FCRL3: variants seen among roughly 807,000 people sequenced by gnomAD.
The protein encoded by FCRL3 is Fc receptor like 3.
Under a neutral mutation model 75.0 loss-of-function variants are expected in FCRL3, and 89 were observed. The observed-to-expected ratio is 1.19, with a 90% CI of 1.00 to 1.42. The LOEUF (loss-of-function observed/expected upper bound fraction) is 1.42. FCRL3 is among the 40% of genes most tolerant of loss of function. FCRL3 has a pLI of 0.00. For synonymous variants in FCRL3, 376 were observed against 348.5 expected (o/e 1.08, Z -0.88); for missense variants, 946 against 880.0 (o/e 1.07, Z -0.95).
Position 157,676,712 on chromosome 1 carries a change from C to T in FCRL3, c.*1998G>A. On this transcript the variant is annotated 3_prime_UTR_variant, in exon 15 of 15. Coordinates refer to ENST00000368184, the MANE Select transcript of FCRL3 (RefSeq NM_052939.4). ...CTCACATACTCTGATTTGCACAGGG[C>T]TAAGTGTTACAAAGACATGGAAAAT... The T allele has an allele frequency of 7.1e-6, 11 of 1,550,310 alleles. No homozygotes were observed. Among genetic ancestry groups the T allele is most frequent in the Non-Finnish European group, 9.6e-6 (11 of 1,146,804 alleles).
At chr1:157,690,999 C>CTATG (rs57070872) in intron 8 of FCRL3, among the ~76,000 whole-genome samples, 36,442 of 148,814 alleles carry the variant, frequency 0.24, 4,497 homozygotes, top group African/African-American at 0.29. Flanking sequence ...TGACATCTGT[C>CTATG]TATGTATGTA....
chr1:157,683,542 C>G (rs955437418), intron 10 of FCRL3, among the ~76,000 whole-genome samples: 1 of 152,136 alleles, frequency 6.6e-6, no homozygotes, highest in African/African-American at 2.4e-5. Flanking sequence ...GGGTCAGGTG[C>G]TCCCCTCAAA....
intron 8 of FCRL3, among the ~76,000 whole-genome samples, chr1:157,693,258 G>A (rs1015572204): frequency 9.0e-6 from 1 of 111,012 alleles, no homozygotes; most frequent in African/African-American, 3.5e-5. Flanking sequence ...CAGGGCAACA[G>A]AGTAAGACTC....
At position 157,678,673 on chromosome 1, in the gene FCRL3, T is replaced by G; in HGVS notation, c.*37A>C. On this transcript the variant is annotated 3_prime_UTR_variant, in exon 15 of 15. Transcript: ENST00000368184. Reference sequence around the variant, plus strand: ...TTGGAGAGAACAGAAAAAAAAATGGTGCAGGCTGTTTCCTGTGGGCCACTC... The same window carrying G: ...TTGGAGAGAACAGAAAAAAAAATGGGGCAGGCTGTTTCCTGTGGGCCACTC... 13 of 1,605,474 alleles carry G rather than the reference T, an allele frequency of 8.1e-6. No individual in the cohort carries two copies. In the South Asian group the frequency reaches 8.9e-5, roughly 11 times the overall value.
rs117665161 is a variant in FCRL3, at chr1:157,696,962, T to C, written c.844+178A>G. The C allele has an allele frequency of 8.0e-4, 378 of 473,206 alleles. 4 individuals are homozygous for C. The East Asian group carries it at 0.012, about 15-fold the overall frequency. 29.3% of individuals were successfully genotyped at this position (473,206 alleles called of 1,614,324 possible). A position where few individuals can be genotyped will look rare whatever the true frequency, so the allele number is the denominator to read the frequency against. ...TGATCAATAATTACTATTACCTGACTCAAGTGGAAGAAAATGTTCTAGGGC... is the reference window on the plus strand; with the variant it reads ...TGATCAATAATTACTATTACCTGACCCAAGTGGAAGAAAATGTTCTAGGGC... On this transcript the variant is annotated intron_variant, in intron 6 of 14. Transcript: ENST00000368184.
intron 10 of FCRL3, among the ~76,000 whole-genome samples, chr1:157,685,552 T>C (rs1352475868): frequency 1.3e-5 from 2 of 152,080 alleles, no homozygotes; most frequent in Non-Finnish European, 2.9e-5. Context: ...AAAGAAACTC[T>C]GGACTTTGTC....
chr1:157,697,016 G>C, intron 6 of FCRL3, 124 bp downstream of exon 6: 2 of 982,414 alleles, frequency 2.0e-6, no homozygotes, highest in South Asian at 4.4e-5. Context: ...CTTAAAGAGA[G>C]AAGATTACCA....
At position 157,676,693 on chromosome 1, in the gene FCRL3, T is replaced by C. The variant is rs1222102155; in HGVS notation, c.*2017A>G. 3.9e-6 allele frequency: 6 copies of C among 1,549,020 alleles called. No individual in the cohort carries two copies. In the East Asian group the frequency reaches 9.8e-5, roughly 25 times the overall value. On this transcript the variant is annotated 3_prime_UTR_variant, in exon 15 of 15. Transcript: ENST00000368184. ...GGACTCACCCCTTCTTCCACTCACA[T>C]ACTCTGATTTGCACAGGGCTAAGTG...
intron 10 of FCRL3, among the ~76,000 whole-genome samples, chr1:157,686,976 G>A (rs1179813349): frequency 6.6e-6 from 1 of 152,074 alleles, no homozygotes; most frequent in Non-Finnish European, 1.5e-5. Context: ...CACGGCAAAA[G>A]AAATTATCAA....
In FCRL3 at chr1:157,678,480, G is replaced by A; in HGVS notation, c.*230C>T. ...TGAGGGCCCTCCTGCCTTGCCACGT[G>A]TCTCCACTGTGAAAATAACACAGTG... On this transcript the variant is annotated 3_prime_UTR_variant, in exon 15 of 15. Coordinates refer to ENST00000368184, the MANE Select transcript of FCRL3 (RefSeq NM_052939.4). 7.2e-7 allele frequency: 1 copy of A among 1,385,222 alleles called. No individual in the cohort carries two copies. The highest frequency in any genetic ancestry group is 1.5e-5 in the African/African-American group (1 of 68,846). 85.8% of individuals were successfully genotyped at this position (1,385,222 alleles called of 1,614,324 possible).
intron 8 of FCRL3, among the ~76,000 whole-genome samples, chr1:157,694,594 C>T (rs1315393369): frequency 6.6e-6 from 1 of 152,106 alleles, no homozygotes; most frequent in Non-Finnish European, 1.5e-5. Context: ...ATGCTGAGCC[C>T]TTTGGGATAA....
rs11810363 is a variant in FCRL3, at chr1:157,692,972, C to T, written c.1411+2357G>A. ...ATGGCAACCAAAGTTTAAACATGTTCGATAGAAATTCAACATGCAGTGGCT... is the reference window on the plus strand; with the variant it reads ...ATGGCAACCAAAGTTTAAACATGTTTGATAGAAATTCAACATGCAGTGGCT... On this transcript the variant is annotated intron_variant, in intron 8 of 14. Coordinates refer to ENST00000368184, the MANE Select transcript of FCRL3 (RefSeq NM_052939.4). 9.6e-3 allele frequency among the ~76,000 whole-genome samples: 1,466 copies of T among 152,100 alleles called. 21 individuals are homozygous for T. Among genetic ancestry groups the T allele is most frequent in the African/African-American group, 0.033 (1,365 of 41,490 alleles).
chr1:157,689,905 T>C lies in FCRL3; in HGVS notation c.1703A>G (p.Asn568Ser). The C allele has an allele frequency of 1.2e-6, 2 of 1,614,126 alleles. No individual in the cohort carries two copies. Among genetic ancestry groups the C allele is most frequent in the South Asian group, 2.2e-5 (2 of 91,072 alleles). ...VTLNVTGTSR[N>S]RTGLTAAGIT... is the part of the protein sequence containing the mutation. ...TCCCGCAGCGGTAAGGCCTGTTCTG[T>C]TCCTGGAAGTTCCTGAGTGGAGGGA... The change falls in exon 10 of 15, where the codon AAC (asparagine) becomes AGC (serine). Residue 568 changes from asparagine (N) to serine (S), a missense_variant. Asn to Ser is a conservative substitution (Grantham distance 46). Coordinates refer to ENST00000368184, the MANE Select transcript of FCRL3 (RefSeq NM_052939.4).
intron 8 of FCRL3, among the ~76,000 whole-genome samples, chr1:157,693,134 G>A (rs1655656800): frequency 2.0e-5 from 3 of 151,926 alleles, no homozygotes; most frequent in Admixed American, 1.3e-4. Flanking sequence ...AATTTGCAGG[G>A]CGTGGTAGCC....
In FCRL3 at chr1:157,699,692, CT is replaced by C. The variant is rs778659182; in HGVS notation, c.51del (p.Val19TrpfsTer33). The C allele has an allele frequency of 1.2e-6, 2 of 1,613,536 alleles. No individual in the cohort carries two copies. The highest frequency in any genetic ancestry group is 2.7e-5 in the African/African-American group (2 of 75,014). Reference protein sequence around the residue: ...LLILTPGREQSGVAPKAVLLL... With the variant: ...LLILTPGREQXGVAPKAVLLL... ...GGGGCAGAGAGAAGGAGAAACTTAC[CT>C]GATTGTTCTCTTCCAGGAGCTGTGA... On this transcript the variant is annotated frameshift_variant and splice_region_variant, in exon 3 of 15. Transcript: ENST00000368184. LOFTEE classifies it high-confidence loss of function.
Position 157,676,913 on chromosome 1 carries a change from G to A in FCRL3, c.*1797C>T. ...GCCTCCATATACAGCCTGGTGGTTG[G>A]TACCCAAAACCGGTTTACATATTTT... On this transcript the variant is annotated 3_prime_UTR_variant, in exon 15 of 15. Coordinates refer to ENST00000368184, the MANE Select transcript of FCRL3 (RefSeq NM_052939.4). 2 of 1,438,898 alleles carry A rather than the reference G, an allele frequency of 1.4e-6. No individual in the cohort carries two copies. The highest frequency in any genetic ancestry group is 9.1e-7 in the Non-Finnish European group (1 of 1,098,526). 89.1% of individuals were successfully genotyped at this position (1,438,898 alleles called of 1,614,324 possible). A position where few individuals can be genotyped will look rare whatever the true frequency, so the allele number is the denominator to read the frequency against.
At position 157,678,981 on chromosome 1, in the gene FCRL3, G is replaced by A. The variant is rs1400705414; in HGVS notation, c.2027-8C>T. ...GCATCATTGGACAATTAGCTGTTGG[G>A]TAGGAGTAGCAAAGAAAAGTATTAA... On this transcript the variant is annotated splice_polypyrimidine_tract_variant and splice_region_variant and intron_variant, in intron 13 of 14. Coordinates refer to ENST00000368184, the MANE Select transcript of FCRL3 (RefSeq NM_052939.4). 2 of 1,614,122 alleles carry A rather than the reference G, an allele frequency of 1.2e-6. No homozygotes were observed. The highest frequency in any genetic ancestry group is 1.7e-6 in the Non-Finnish European group (2 of 1,179,970).
At chr1:157,692,509 T>G (rs892668297) in intron 8 of FCRL3, among the ~76,000 whole-genome samples, 1 of 152,230 alleles carries the variant, frequency 6.6e-6, no homozygotes, top group Non-Finnish European at 1.5e-5. Flanking sequence ...GTGCTGGGAT[T>G]ACAGGCATGA....
At chr1:157,679,183 A>G in intron 13 of FCRL3, 1 of 618,292 alleles carries the variant, frequency 1.6e-6, no homozygotes, top group Non-Finnish European at 2.9e-6. Flanking sequence ...CCTCTGTTGG[A>G]TTCTTCCAAA....
Sources: gnomAD v4.1 joint callset for allele counts (sites outside exome capture counted in the v4.1 genomes callset) on GRCh38, gnomAD v4.1.1 for gene constraint, MANE v1.5 for transcripts, NCBI Gene and HGNC (gene_info 2026-07-23, HGNC 2026-07-21) for gene names.